NRF1: variants seen among roughly 807,000 people sequenced by gnomAD.
The protein encoded by NRF1 is alpha palindromic-binding protein.
In NRF1, 5 loss-of-function variants were observed where a neutral mutation model predicts 58.5. The observed-to-expected ratio is 0.09, with a 90% confidence interval of 0.04 to 0.18. NRF1 has a LOEUF of 0.18. Among genes scored for constraint, NRF1 ranks in the 10% least tolerant of loss-of-function variants. NRF1 has a pLI of 1.00. For synonymous variants in NRF1, 224 were observed against 246.7 expected (o/e 0.91, Z 0.86); for missense variants, 288 against 657.7 (o/e 0.44, Z 6.15).
intron 10 of NRF1, among the ~76,000 whole-genome samples, chr7:129,748,533 G>GAAGT (rs1804037374): frequency 6.6e-6 from 1 of 152,180 alleles, no homozygotes; most frequent in Admixed American, 6.5e-5. Context: ...CCTGCCTGAG[G>GAAGT]AAGTTCACAT....
intron 9 of NRF1, among the ~76,000 whole-genome samples, chr7:129,717,693 G>A (rs529032753): frequency 2.0e-5 from 3 of 152,162 alleles, no homozygotes; most frequent in South Asian, 2.1e-4. Context: ...GATCATCTCC[G>A]CATCATTCTT....
chr7:129,700,407 A>G (rs1231995531), intron 5 of NRF1, among the ~76,000 whole-genome samples: 3 of 152,142 alleles, frequency 2.0e-5, no homozygotes, highest in Non-Finnish European at 2.9e-5. Context: ...GTCTTCAGGG[A>G]TGGATCTAGG....
chr7:129,691,365 T>TTA (rs1554409670), intron 5 of NRF1, among the ~76,000 whole-genome samples: 58 of 19,212 alleles, frequency 3.0e-3, no homozygotes, highest in Middle Eastern at 0.033. Flanking sequence ...ATTATTATTA[T>TTA]TTTTTTTTTT....
intron 1 of NRF1, among the ~76,000 whole-genome samples, chr7:129,655,086 C>T (rs1356182519): frequency 6.6e-6 from 1 of 152,184 alleles, no homozygotes; most frequent in Non-Finnish European, 1.5e-5. Context: ...TATGCATGAA[C>T]ATGGAATATC....
intron 3 of NRF1, among the ~76,000 whole-genome samples, chr7:129,673,625 G>A (rs929698626): frequency 1.5e-4 from 23 of 148,650 alleles, no homozygotes; most frequent in Non-Finnish European, 2.5e-4. Context: ...GCTGAGGCAG[G>A]AGAATGGCGT....
intron 5 of NRF1, among the ~76,000 whole-genome samples, chr7:129,705,025 A>G (rs578148475): frequency 6.6e-6 from 1 of 152,352 alleles, no homozygotes; most frequent in Non-Finnish European, 1.5e-5. Context: ...AGAATTACCA[A>G]TCAGTTGCCA....
intron 10 of NRF1, chr7:129,744,200 G>A (rs904953716): frequency 3.9e-6 from 6 of 1,544,358 alleles, no homozygotes; most frequent in South Asian, 2.4e-5. Flanking sequence ...CGTGCAGGTC[G>A]CAAGTGGATC....
At chr7:129,726,166 A>G (rs1803449339) in intron 9 of NRF1, among the ~76,000 whole-genome samples, 1 of 152,206 alleles carries the variant, frequency 6.6e-6, no homozygotes, top group Admixed American at 6.5e-5. Context: ...TGGCACCACC[A>G]TCTCTATTCT....
Position 129,742,744 on chromosome 7 carries a change from G to A in NRF1, c.1349-12274G>A, listed in dbSNP as rs551200886. On this transcript the variant is annotated intron_variant, in intron 10 of 10. Transcript: ENST00000393232. Reference sequence around the variant, plus strand: ...GTGTGAGTGTATGTGTCTGTCTGTCGGAGGCACGTTTATGATATGGAGTTG... The same window carrying A: ...GTGTGAGTGTATGTGTCTGTCTGTCAGAGGCACGTTTATGATATGGAGTTG... 6.6e-5 allele frequency among the ~76,000 whole-genome samples: 10 copies of A among 152,274 alleles called. No homozygotes were observed. The East Asian group carries it at 1.2e-3, about 18-fold the overall frequency.
intron 1 of NRF1, among the ~76,000 whole-genome samples, chr7:129,617,229 A>G (rs192278570): frequency 4.1e-4 from 63 of 152,246 alleles, no homozygotes; most frequent in African/African-American, 1.3e-3. Flanking sequence ...AGTTTTTTTT[A>G]AAAAGAGCAT....
Position 129,654,459 on chromosome 7 carries a change from T to A in NRF1, c.-6-2887T>A, listed in dbSNP as rs182678275. ...TCTTTCACAGGGCAGAAGTTTCTTG[T>A]TTTAATGAAGTCCAGCTTATCGATT... On this transcript the variant is annotated intron_variant, in intron 1 of 10. Transcript: ENST00000393232. 2.7e-3 allele frequency among the ~76,000 whole-genome samples: 415 copies of A among 152,340 alleles called. 7 individuals carry two copies. The highest frequency in any genetic ancestry group is 0.026 in the Admixed American group (393 of 15,290).
At chr7:129,740,476 C>T (rs559118437) in intron 10 of NRF1, among the ~76,000 whole-genome samples, 3 of 152,316 alleles carry the variant, frequency 2.0e-5, no homozygotes, top group Admixed American at 6.5e-5. Context: ...ATCCCTACTT[C>T]GGGAAGCCTG....
At chr7:129,727,465 G>T in intron 10 of NRF1, 100 bp downstream of exon 10, 2 of 1,279,750 alleles carry the variant, frequency 1.6e-6, no homozygotes, top group Non-Finnish European at 2.1e-6. Flanking sequence ...TTTGAGCTTC[G>T]ATTTTTTTTT....
At chr7:129,732,694 C>G (rs144689156) in intron 10 of NRF1, among the ~76,000 whole-genome samples, 6,469 of 152,066 alleles carry the variant, frequency 0.043, 168 homozygotes, top group Middle Eastern at 0.12. Context: ...CCTCTGCCTC[C>G]TAGGTTCAAG....
intron 1 of NRF1, among the ~76,000 whole-genome samples, chr7:129,629,424 C>T (rs1367794630): frequency 6.6e-6 from 1 of 152,164 alleles, no homozygotes; most frequent in Admixed American, 6.6e-5. Flanking sequence ...GTTACAGCTG[C>T]CACCACACGC....
chr7:129,712,414 C>T (rs1339643044), intron 8 of NRF1, among the ~76,000 whole-genome samples: 1 of 152,366 alleles, frequency 6.6e-6, no homozygotes, highest in East Asian at 1.9e-4. Flanking sequence ...AGTATTATCT[C>T]ACCCTTGTTG....
intron 10 of NRF1, among the ~76,000 whole-genome samples, chr7:129,745,435 A>G (rs939308336): frequency 3.3e-5 from 5 of 152,014 alleles, no homozygotes; most frequent in African/African-American, 1.2e-4. Flanking sequence ...TCAGATTCTC[A>G]TAGGAGCACG....
chr7:129,684,318 T>C (rs1401942890), intron 4 of NRF1, among the ~76,000 whole-genome samples: 1 of 152,184 alleles, frequency 6.6e-6, no homozygotes, highest in East Asian at 1.9e-4. Context: ...ACAAGATAGC[T>C]GTAATTGCAG....
At chr7:129,627,565 G>A (rs1800947657) in intron 1 of NRF1, among the ~76,000 whole-genome samples, 1 of 151,966 alleles carries the variant, frequency 6.6e-6, no homozygotes, top group Admixed American at 6.6e-5. Context: ...ACCTTTGTAG[G>A]ACTCCAAGTT....
Sources: gnomAD v4.1 joint callset for allele counts (sites outside exome capture counted in the v4.1 genomes callset) on GRCh38, gnomAD v4.1.1 for gene constraint, MANE v1.5 for transcripts, NCBI Gene and HGNC (gene_info 2026-07-23, HGNC 2026-07-21) for gene names.